The following ADCY8 variants were observed in gnomAD, a reference collection of about 807,000 sequenced individuals.
ADCY8 encodes adenylate cyclase 8.
A neutral mutation model predicts 119.7 loss-of-function variants in ADCY8; 51 were observed. The ratio of observed to expected loss-of-function variants is 0.43; its 90% CI spans 0.34 to 0.54. ADCY8 has a LOEUF of 0.54. ADCY8 is among the 20% of genes least tolerant of loss of function. ADCY8 has a pLI of 0.03. For synonymous variants in ADCY8, 665 were observed against 651.0 expected (o/e 1.02, Z -0.33); for missense variants, 1,383 against 1,598.8 (o/e 0.87, Z 2.30).
At chr8:130,800,272 T>C (rs1048104858) in intron 15 of ADCY8, among the ~76,000 whole-genome samples, 154 bp downstream of exon 15, 1 of 151,528 alleles carries the variant, frequency 6.6e-6, no homozygotes, top group Non-Finnish European at 1.5e-5. Context: ...ATAATTGTGA[T>C]AATTAAATCA....
chr8:130,803,965 T>C (rs1434120665), intron 14 of ADCY8, among the ~76,000 whole-genome samples: 1 of 152,206 alleles, frequency 6.6e-6, no homozygotes, highest in Non-Finnish European at 1.5e-5. Flanking sequence ...AGAGTGCAGA[T>C]AGCAGTCAGG....
chr8:130,838,150 C>T (rs1469663501), intron 11 of ADCY8, among the ~76,000 whole-genome samples: 2 of 152,152 alleles, frequency 1.3e-5, no homozygotes, highest in African/African-American at 2.4e-5. Flanking sequence ...ATTTATGCAT[C>T]CTTTCAACAA....
At chr8:130,798,398 G>C (rs1463539934) in intron 15 of ADCY8, among the ~76,000 whole-genome samples, 1 of 152,220 alleles carries the variant, frequency 6.6e-6, no homozygotes, top group Non-Finnish European at 1.5e-5. Context: ...AGTCGAGGGA[G>C]AGAGGATGGG....
intron 13 of ADCY8, among the ~76,000 whole-genome samples, chr8:130,815,396 TATC>T (rs1816305634): frequency 6.6e-6 from 1 of 152,220 alleles, no homozygotes; most frequent in Non-Finnish European, 1.5e-5. Flanking sequence ...TTAAATAAGT[TATC>T]ATAATAAAAC....
At chr8:130,869,504 G>GTTTTTTTTTTTTTTTTTTTTTTT (rs765620055) in intron 8 of ADCY8, among the ~76,000 whole-genome samples, 1 of 125,194 alleles carries the variant, frequency 8.0e-6, no homozygotes, top group Admixed American at 8.4e-5. Context: ...TTTTTATTTT[G>GTTTTTTTTTTTTTTTTTTTTTTT]TTTATTTTTT....
At chr8:130,951,690 C>T (rs1382570427) in intron 3 of ADCY8, among the ~76,000 whole-genome samples, 178 bp downstream of exon 3, 2 of 152,164 alleles carry the variant, frequency 1.3e-5, no homozygotes, top group African/African-American at 4.8e-5. Context: ...ACATTCTTCT[C>T]TAGCCTTAAT....
At chr8:130,907,015 C>A (rs67831878) in intron 6 of ADCY8, among the ~76,000 whole-genome samples, 1 of 151,760 alleles carries the variant, frequency 6.6e-6, no homozygotes, top group Admixed American at 6.6e-5. Context: ...TTACTTTCAG[C>A]GTCTCTCTAC....
chr8:130,820,093 T>C (rs1816461019), intron 13 of ADCY8, among the ~76,000 whole-genome samples: 1 of 152,180 alleles, frequency 6.6e-6, no homozygotes, highest in African/African-American at 2.4e-5. Context: ...TAAATGAGAA[T>C]AGAGAGAAAG....
At position 131,040,299 on chromosome 8, in the gene ADCY8, C is replaced by A; in HGVS notation, c.35G>T (p.Ser12Ile). 1 of 1,554,900 alleles carries A rather than the reference C, an allele frequency of 6.4e-7. No homozygotes were observed. The highest frequency in any genetic ancestry group is 8.7e-7 in the Non-Finnish European group (1 of 1,155,382). Residue 12 changes from serine to isoleucine, a missense_variant, in exon 1 of 18, where the codon AGC becomes ATC. Transcript: ENST00000286355. ...CGGGTGGATGGTGTAGAGTTCCTCG[C>A]TGCCTGTAAGGCAGCGCACATCGGA... is the stretch of plus-strand genomic sequence containing the variant. Reference protein sequence around the residue: ...ELSDVRCLTGSEELYTIHPTP... With the variant: ...ELSDVRCLTGIEELYTIHPTP...
chr8:130,782,172 C>G (rs150050450), intron 17 of ADCY8, among the ~76,000 whole-genome samples: 2 of 152,044 alleles, frequency 1.3e-5, no homozygotes, highest in East Asian at 3.9e-4. Context: ...TAAGATTATT[C>G]TAGGCCGAGG....
At position 130,780,796 on chromosome 8, in the gene ADCY8, A is replaced by G; in HGVS notation, c.3350T>C (p.Leu1117Pro). 1 of 1,614,178 alleles carries G rather than the reference A, an allele frequency of 6.2e-7. No individual in the cohort carries two copies. Among genetic ancestry groups the G allele is most frequent in the Non-Finnish European group, 8.5e-7 (1 of 1,180,018 alleles). The change falls in exon 18 of 18, where the codon CTG (leucine) becomes CCG (proline). Residue 1117 changes from leucine to proline, a missense_variant. Physicochemically the swap from Leu to Pro is moderately conservative, Grantham distance 98. This residue lies in a region of ADCY8 where 928 missense variants were observed against 1,163.5 expected (regional missense o/e 0.80). Transcript: ENST00000286355. Reference sequence around the variant, plus strand: ...CCCCGTGCTGTCCATTCGGCTTGCCAGGTTCACAGTTTTGCCCCAAATGTC... The same window carrying G: ...CCCCGTGCTGTCCATTCGGCTTGCCGGGTTCACAGTTTTGCCCCAAATGTC... ...QYDIWGKTVN[L>P]ASRMDSTGVS... is the part of the protein sequence containing the mutation.
At chr8:130,810,248 A>G (rs913977018) in intron 14 of ADCY8, among the ~76,000 whole-genome samples, 9 of 152,100 alleles carry the variant, frequency 5.9e-5, no homozygotes, top group African/African-American at 1.9e-4. Flanking sequence ...TCTTACGGTA[A>G]CAGAGAATGA....
chr8:130,914,491 T>C (rs1820070449), intron 5 of ADCY8, among the ~76,000 whole-genome samples: 1 of 152,230 alleles, frequency 6.6e-6, no homozygotes, highest in Non-Finnish European at 1.5e-5. Flanking sequence ...TTTCTTTCTC[T>C]TTCATTTTGT....
chr8:130,810,537 C>T (rs1816132717), intron 14 of ADCY8, among the ~76,000 whole-genome samples: 1 of 152,140 alleles, frequency 6.6e-6, no homozygotes, highest in Non-Finnish European at 1.5e-5. Context: ...GCCCCAGTTT[C>T]CTCATCAATA....
chr8:130,858,900 A>ATGTGTGTG (rs139305903), intron 9 of ADCY8, among the ~76,000 whole-genome samples: 10 of 148,808 alleles, frequency 6.7e-5, no homozygotes, highest in African/African-American at 2.5e-4. Context: ...TATCATGTAT[A>ATGTGTGTG]TGTGTGTGTG....
chr8:131,039,434 C>G lies in ADCY8; in HGVS notation c.900G>C (p.Ser300=). Residue 300 remains serine, a synonymous_variant, in exon 1 of 18, where the codon TCG becomes TCC. Coordinates refer to ENST00000286355, the MANE Select transcript of ADCY8 (RefSeq NM_001115.3). ...TWAILAGLGT[S]LLQVILQVVI... is the part of the protein sequence containing the mutation. ...CCACTTGGAGGATGACCTGCAGCAG[C>G]GAGGTGCCCAGGCCGGCCAGGATGG... The G allele has an allele frequency of 6.2e-7, 1 of 1,614,156 alleles. No individual in the cohort carries two copies. The highest frequency in any genetic ancestry group is 8.5e-7 in the Non-Finnish European group (1 of 1,180,032).
chr8:130,857,500 C>A (rs928018234), intron 9 of ADCY8, among the ~76,000 whole-genome samples: 2 of 152,146 alleles, frequency 1.3e-5, no homozygotes, highest in East Asian at 3.9e-4. Flanking sequence ...GCCTCTGACC[C>A]GTAGCATTTC....
At chr8:130,795,704 C>T (rs1815559364) in intron 15 of ADCY8, among the ~76,000 whole-genome samples, 3 of 152,110 alleles carry the variant, frequency 2.0e-5, no homozygotes, top group African/African-American at 7.2e-5. Context: ...TAATCAGGGG[C>T]TAAGAAACTT....
At chr8:130,800,393 T>C in intron 15 of ADCY8, 33 bp downstream of exon 15, 1 of 1,613,400 alleles carries the variant, frequency 6.2e-7, no homozygotes, top group Middle Eastern at 1.7e-4. Flanking sequence ...CGATGCCCAT[T>C]TGTGATTGTA....
Sources: gnomAD v4.1 joint callset for allele counts (sites outside exome capture counted in the v4.1 genomes callset) on GRCh38, gnomAD v4.1.1 for gene constraint, gnomAD v4.1.1 regional missense constraint, MANE v1.5 for transcripts, NCBI Gene and HGNC (gene_info 2026-07-23, HGNC 2026-07-21) for gene names.